SIN3A: variants seen among roughly 807,000 people sequenced by gnomAD.
SIN3A encodes the protein SIN3 transcription regulator family member A.
In SIN3A, 14 loss-of-function variants were observed where a neutral mutation model predicts 146.1. The ratio of observed to expected loss-of-function variants is 0.10; its 90% CI spans 0.06 to 0.15. The LOEUF is 0.15. Among genes scored for constraint, SIN3A ranks in the 10% least tolerant of loss-of-function variants. SIN3A has a pLI of 1.00. For missense variants in SIN3A, 1,028 were observed against 1,576.0 expected (o/e 0.65, Z 5.89); for synonymous variants, 572 against 572.0 (o/e 1.00, Z 0.00).
chr15:75,428,001 G>A lies in SIN3A; in HGVS notation c.189+2186C>T, dbSNP rs146617630. Among the ~76,000 whole-genome samples the A allele has an allele frequency of 5.6e-3, 851 of 151,200 alleles. 8 individuals are homozygous for A. Among genetic ancestry groups the A allele is most frequent in the Admixed American group, 6.8e-3 (102 of 15,010 alleles). ...TAAATAAATAAATAAATAAATAAAT[G>A]AATAAAATAAAAAATAAAAAAACCA... On this transcript the variant is annotated intron_variant, in intron 2 of 20. Coordinates refer to ENST00000394947, the MANE Select transcript of SIN3A (RefSeq NM_001145358.2).
chr15:75,400,968 G>A (rs2073401037), intron 10 of SIN3A, 28 bp from the exon 11 acceptor site: 2 of 1,506,670 alleles, frequency 1.3e-6, no homozygotes, highest in Non-Finnish European at 1.8e-6. Flanking sequence ...AAAGTGACAA[G>A]CAATTAGGGG....
intron 6 of SIN3A, among the ~76,000 whole-genome samples, chr15:75,410,978 A>T (rs2073627358): frequency 6.6e-6 from 1 of 150,636 alleles, no homozygotes; most frequent in Admixed American, 6.6e-5. Flanking sequence ...TCTGTCTCAA[A>T]AAAAAAAAAA....
rs144101947 is a variant in SIN3A, at chr15:75,401,271, T to C, written c.1527-331A>G. Among the ~76,000 whole-genome samples, 247 of 152,320 alleles carry C rather than the reference T, an allele frequency of 1.6e-3. 1 individual carries two copies. Among genetic ancestry groups the C allele is most frequent in the African/African-American group, 4.8e-3 (201 of 41,566 alleles). ...GACTCGGTGTAGTGGCTCATGCCTGTAATCCCAGCACTTTGGGAGGCCGAG... is the reference window on the plus strand; with the variant it reads ...GACTCGGTGTAGTGGCTCATGCCTGCAATCCCAGCACTTTGGGAGGCCGAG... On this transcript the variant is annotated intron_variant, in intron 10 of 20. Coordinates refer to ENST00000394947, the MANE Select transcript of SIN3A (RefSeq NM_001145358.2).
At chr15:75,408,258 C>A (rs995360045) in intron 8 of SIN3A, among the ~76,000 whole-genome samples, 3 of 152,128 alleles carry the variant, frequency 2.0e-5, no homozygotes, top group African/African-American at 7.2e-5. Flanking sequence ...TTCTTGCTAC[C>A]CATATAACTA....
At chr15:75,389,568 A>G in intron 16 of SIN3A, 84 bp downstream of exon 16, 1 of 1,334,738 alleles carries the variant, frequency 7.5e-7, no homozygotes, top group East Asian at 2.3e-5. Context: ...TATATGAAAA[A>G]GTTGCCTTTC....
chr15:75,393,290 G>A (rs1298229445), intron 14 of SIN3A, among the ~76,000 whole-genome samples: 1 of 152,140 alleles, frequency 6.6e-6, no homozygotes, highest in African/African-American at 2.4e-5. Context: ...AAACAAATAG[G>A]TAATGACAGA....
At chr15:75,449,349 A>C (rs758285828) in intron 1 of SIN3A, among the ~76,000 whole-genome samples, 3 of 152,204 alleles carry the variant, frequency 2.0e-5, no homozygotes, top group Non-Finnish European at 4.4e-5. Context: ...CCAAAGCACA[A>C]ATCTAGAATT....
chr15:75,435,762 G>A (rs533894767), intron 1 of SIN3A, among the ~76,000 whole-genome samples: 1 of 151,338 alleles, frequency 6.6e-6, no homozygotes, highest in South Asian at 2.1e-4. Flanking sequence ...ATGATCTCAT[G>A]TATGTATATA....
chr15:75,451,070 C>T, intron 1 of SIN3A, among the ~76,000 whole-genome samples: 1 of 149,156 alleles, frequency 6.7e-6, no homozygotes, highest in Non-Finnish European at 1.5e-5. Flanking sequence ...CAGCCCGAGG[C>T]CCCGCCCACC....
At chr15:75,433,803 C>T (rs1227191573) in intron 1 of SIN3A, among the ~76,000 whole-genome samples, 1 of 151,968 alleles carries the variant, frequency 6.6e-6, no homozygotes, top group Admixed American at 6.6e-5. Context: ...AGCAAGACTC[C>T]ATCTCAAAAA....
intron 1 of SIN3A, among the ~76,000 whole-genome samples, chr15:75,437,805 A>T (rs527576443): frequency 6.6e-6 from 1 of 152,292 alleles, no homozygotes; most frequent in Admixed American, 6.5e-5. Context: ...AGAAAAAAAA[A>T]GCACTTTGAC....
intron 4 of SIN3A, among the ~76,000 whole-genome samples, chr15:75,413,502 C>A (rs1316755202): frequency 6.6e-6 from 1 of 151,698 alleles, no homozygotes; most frequent in Non-Finnish European, 1.5e-5. Context: ...CTCTGAAATT[C>A]CAAAGCCATT....
At chr15:75,382,117 G>T (rs769323285) in intron 17 of SIN3A, among the ~76,000 whole-genome samples, 10 of 152,190 alleles carry the variant, frequency 6.6e-5, no homozygotes, top group Non-Finnish European at 1.5e-4. Context: ...GAGAAGGTCA[G>T]AGCCTGGAAG....
chr15:75,403,161 G>T (rs1251604779), intron 9 of SIN3A, among the ~76,000 whole-genome samples: 2 of 151,512 alleles, frequency 1.3e-5, no homozygotes, highest in African/African-American at 4.8e-5. Context: ...AGTGGCTCAC[G>T]CCTGTAGTCC....
At position 75,372,256 on chromosome 15, in the gene SIN3A, AAAG is replaced by A. The variant is rs746282591; in HGVS notation, c.3592-50_3592-48del. 16 of 1,324,752 alleles carry A rather than the reference AAAG, an allele frequency of 1.2e-5. No individual in the cohort carries two copies. In the South Asian group the frequency reaches 1.3e-4, roughly 11 times the overall value. 82.1% of individuals were successfully genotyped at this position (1,324,752 alleles called of 1,614,324 possible). Reference sequence around the variant, plus strand: ...TTTTATTAAATGAAGCAGAACCAAAAAAGAGCCCTTCAAATACAAAGCCTAATT... The same window carrying A: ...TTTTATTAAATGAAGCAGAACCAAAAAGCCCTTCAAATACAAAGCCTAATT... On this transcript the variant is annotated intron_variant, in intron 20 of 20. Coordinates refer to ENST00000394947, the MANE Select transcript of SIN3A (RefSeq NM_001145358.2).
chr15:75,438,205 C>G (rs181502909), intron 1 of SIN3A, among the ~76,000 whole-genome samples: 8 of 151,964 alleles, frequency 5.3e-5, no homozygotes, highest in Non-Finnish European at 8.8e-5. Flanking sequence ...TACTAAAGCA[C>G]GAAAAACAAA....
intron 2 of SIN3A, among the ~76,000 whole-genome samples, chr15:75,425,823 AC>A (rs1262038690): frequency 6.6e-6 from 1 of 152,254 alleles, no homozygotes; most frequent in Non-Finnish European, 1.5e-5. Context: ...TAAGTTTTAT[AC>A]CACAATTTAA....
At chr15:75,410,404 T>C in intron 6 of SIN3A, 118 bp from the exon 7 acceptor site, 1 of 1,011,780 alleles carries the variant, frequency 9.9e-7, no homozygotes, top group Non-Finnish European at 1.4e-6. Context: ...AAAGTCTATG[T>C]TCTTAGCACC....
intron 1 of SIN3A, among the ~76,000 whole-genome samples, chr15:75,434,392 G>A (rs1488545413): frequency 2.6e-5 from 4 of 152,176 alleles, no homozygotes; most frequent in African/African-American, 7.2e-5. Context: ...GCTCATGCCT[G>A]TAATCCCAGC....
Sources: gnomAD v4.1 joint callset for allele counts (sites outside exome capture counted in the v4.1 genomes callset) on GRCh38, gnomAD v4.1.1 for gene constraint, MANE v1.5 for transcripts, NCBI Gene and HGNC (gene_info 2026-07-23, HGNC 2026-07-21) for gene names.